The following BTLA variants were observed in gnomAD, a reference collection of about 807,000 sequenced individuals.
BTLA encodes B- and T-lymphocyte attenuator.
In BTLA, 11 loss-of-function variants were observed where a neutral mutation model predicts 25.0. The ratio of observed to expected loss-of-function variants is 0.44; its 90% CI spans 0.28 to 0.73. The LOEUF (loss-of-function observed/expected upper bound fraction) is 0.73, where lower values mean the gene tolerates loss of function less well. BTLA is among the 30% of genes least tolerant of loss of function. The pLI is 0.15. For synonymous variants in BTLA, 104 were observed against 119.8 expected (o/e 0.87, Z 0.86); for missense variants, 282 against 332.8 (o/e 0.85, Z 1.19).
chr3:112,469,931 C>T lies in BTLA; in HGVS notation c.548-127G>A, dbSNP rs1052907658. On this transcript the variant is annotated intron_variant, in intron 3 of 4. Coordinates refer to ENST00000334529, the MANE Select transcript of BTLA (RefSeq NM_181780.4). ...TTGTTAGTTTTGGCTTGTTAATTTG[C>T]TTTGCCTAGCACACACTTGTTTGTG... 7.1e-6 allele frequency: 5 copies of T among 702,750 alleles called. No homozygotes were observed. The East Asian group carries it at 1.4e-4, about 20-fold the overall frequency. 43.5% of individuals were successfully genotyped at this position (702,750 alleles called of 1,614,324 possible). A position where few individuals can be genotyped will look rare whatever the true frequency, so the allele number is the denominator to read the frequency against.
intron 2 of BTLA, among the ~76,000 whole-genome samples, chr3:112,478,980 A>G (rs2082303378): frequency 6.6e-6 from 1 of 152,158 alleles, no homozygotes; most frequent in Non-Finnish European, 1.5e-5. Context: ...TTTTTCCTCT[A>G]AACAAACTGT....
rs2082211066 is a variant in BTLA, at chr3:112,464,000, T to G, written c.*2108A>C. ...AATAAGTTTTAATAACTTTACCTTC[T>G]CATTGAGCACAATCACAAGCTTAAA... On this transcript the variant is annotated 3_prime_UTR_variant, in exon 5 of 5. Transcript: ENST00000334529. 2.5e-6 allele frequency: 1 copy of G among 393,364 alleles called. No individual in the cohort carries two copies. Among genetic ancestry groups the G allele is most frequent in the Admixed American group, 4.4e-5 (1 of 22,564 alleles). 24.4% of individuals were successfully genotyped at this position (393,364 alleles called of 1,614,324 possible).
chr3:112,466,958 CT>C (rs869038641), intron 4 of BTLA, among the ~76,000 whole-genome samples: 17 of 40,868 alleles, frequency 4.2e-4, no homozygotes, highest in African/African-American at 6.7e-4. Flanking sequence ...GAAAATTCTT[CT>C]TTTTTTTTTT....
chr3:112,479,112 A>G (rs1016550946), intron 2 of BTLA, among the ~76,000 whole-genome samples: 4 of 152,152 alleles, frequency 2.6e-5, no homozygotes, highest in Admixed American at 2.6e-4. Flanking sequence ...AAAGAAGGAC[A>G]AGCAATCACA....
chr3:112,484,700 G>A (rs1030108490), intron 1 of BTLA, among the ~76,000 whole-genome samples: 7 of 152,288 alleles, frequency 4.6e-5, no homozygotes, highest in Middle Eastern at 3.4e-3. Context: ...TGTATGCTCC[G>A]GAGCAGTGCG....
At chr3:112,486,160 C>A (rs183899722) in intron 1 of BTLA, among the ~76,000 whole-genome samples, 1 of 152,072 alleles carries the variant, frequency 6.6e-6, no homozygotes, top group Admixed American at 6.5e-5. Context: ...TCTACTCCCC[C>A]CCAGGCTCTT....
chr3:112,483,231 C>T (rs1484003861), intron 1 of BTLA, among the ~76,000 whole-genome samples: 1 of 146,872 alleles, frequency 6.8e-6, no homozygotes, highest in Non-Finnish European at 1.5e-5. Context: ...TCACCGTAAC[C>T]TCTGCCTCCC....
At chr3:112,469,671 A>C in intron 4 of BTLA, 87 bp downstream of exon 4, 1 of 848,488 alleles carries the variant, frequency 1.2e-6, no homozygotes, top group South Asian at 1.6e-5. Context: ...AATGCCTGGC[A>C]CATGGTGTTA....
rs757108402 is a variant in BTLA at position 112,466,366 on chromosome 3, C to T, written c.612G>A (p.Lys204=). 11 of 1,603,912 alleles carry T rather than the reference C, an allele frequency of 6.9e-6. No homozygotes were observed. Among genetic ancestry groups the T allele is most frequent in the Non-Finnish European group, 9.4e-6 (11 of 1,173,402 alleles). Residue 204 remains lysine, a synonymous_variant, in exon 5 of 5, where the codon AAG becomes AAA. Coordinates refer to ENST00000334529, the MANE Select transcript of BTLA (RefSeq NM_181780.4). ...TGGTGCTTGCTTCTGTTTGCTCACT[C>T]TTAAGGTGAGCATCAACCTACAATA... ...REINLVDAHL[K]SEQTEASTRQ...
At chr3:112,498,072 T>A (rs1576696378) in intron 1 of BTLA, among the ~76,000 whole-genome samples, 1 of 152,154 alleles carries the variant, frequency 6.6e-6, no homozygotes, top group African/African-American at 2.4e-5. Context: ...ACTGAGTAGA[T>A]GTTATAAATA....
chr3:112,472,521 AC>A (rs540835148), intron 2 of BTLA, among the ~76,000 whole-genome samples: 222 of 151,784 alleles, frequency 1.5e-3, no homozygotes, highest in African/African-American at 5.0e-3. Context: ...AAATGGTGAA[AC>A]CCCGTCTCTA....
chr3:112,499,153 C>T, intron 1 of BTLA, 118 bp downstream of exon 1: 1 of 696,244 alleles, frequency 1.4e-6, no homozygotes, highest in Admixed American at 2.6e-5. Flanking sequence ...AGCTTGGTTT[C>T]ATCTACGATT....
chr3:112,485,132 C>A (rs1287629268), intron 1 of BTLA, among the ~76,000 whole-genome samples: 1 of 152,104 alleles, frequency 6.6e-6, no homozygotes, highest in Middle Eastern at 3.4e-3. Context: ...GCAGCCTCCG[C>A]CTCCCAGGTT....
At chr3:112,481,862 C>T (rs1240815347) in intron 1 of BTLA, among the ~76,000 whole-genome samples, 1 of 152,108 alleles carries the variant, frequency 6.6e-6, no homozygotes, top group African/African-American at 2.4e-5. Flanking sequence ...TTACTGTATG[C>T]AGTTAAAAGT....
rs145736839 is a variant in BTLA, at chr3:112,490,454, C to T, written c.88+8817G>A. 1.9e-3 allele frequency among the ~76,000 whole-genome samples: 294 copies of T among 152,222 alleles called. 6 individuals carry two copies. In the East Asian group the frequency reaches 0.044, roughly 23 times the overall value. On this transcript the variant is annotated intron_variant, in intron 1 of 4. Coordinates refer to ENST00000334529, the MANE Select transcript of BTLA (RefSeq NM_181780.4). ...AAAATGAAAGTTTATTTACATATGTCTTTCCTGAAAAACAACACTAAAGAT... is the reference window on the plus strand; with the variant it reads ...AAAATGAAAGTTTATTTACATATGTTTTTCCTGAAAAACAACACTAAAGAT...
intron 1 of BTLA, among the ~76,000 whole-genome samples, chr3:112,482,100 C>T (rs1326225500): frequency 2.0e-5 from 3 of 152,122 alleles, no homozygotes; most frequent in Non-Finnish European, 4.4e-5. Context: ...TTTTTATTTT[C>T]CAGTAAAGTT....
At chr3:112,499,624 T>G (rs200510797), upstream of BTLA, 111 of 387,044 alleles carry the variant, frequency 2.9e-4, 1 homozygote, top group East Asian at 4.0e-3. Flanking sequence ...TTTCAAACAC[T>G]GTGATCTGCA....
At chr3:112,484,068 T>G (rs2082333274) in intron 1 of BTLA, among the ~76,000 whole-genome samples, 1 of 152,084 alleles carries the variant, frequency 6.6e-6, no homozygotes, top group Non-Finnish European at 1.5e-5. Flanking sequence ...GAGCTGAACC[T>G]TGGTGAATGA....
In BTLA at chr3:112,464,313, G is replaced by C. The variant is rs2082213237; in HGVS notation, c.*1795C>G. The C allele has an allele frequency of 2.6e-6, 1 of 391,876 alleles. No homozygotes were observed. The allele number at this position is 391,876 out of a possible 1,614,324, so 24.3% of individuals were successfully genotyped here. A position where few individuals can be genotyped will look rare whatever the true frequency, so the allele number is the denominator to read the frequency against. The stretch of plus-strand genomic sequence containing the variant: ...ACAGAAATATTTTGCTTTTAAGTTT[G>C]AGAGAATCATGAAGGAACTGTTCAA... On this transcript the variant is annotated 3_prime_UTR_variant, in exon 5 of 5. Coordinates refer to ENST00000334529, the MANE Select transcript of BTLA (RefSeq NM_181780.4).
Sources: allele counts gnomAD v4.1 joint callset (sites outside exome capture counted in the v4.1 genomes callset), GRCh38; gene constraint gnomAD v4.1.1; transcripts MANE v1.5; gene names NCBI Gene and HGNC (gene_info 2026-07-23, HGNC 2026-07-21).